ASIC5: variants seen among roughly 807,000 people sequenced by gnomAD.
ASIC5 encodes bile acid-sensitive ion channel.
Under a neutral mutation model 51.2 loss-of-function variants are expected in ASIC5, and 52 were observed. The observed-to-expected ratio is 1.02, with a 90% CI of 0.81 to 1.28. The LOEUF is 1.28. Ranked by LOEUF, ASIC5 falls within the 50% of genes most tolerant of loss-of-function variation. The probability of loss-of-function intolerance (pLI) is 0.00; values close to 1 mark genes in which losing one functional copy is unlikely to be tolerated. For synonymous variants in ASIC5, 231 were observed against 200.7 expected (o/e 1.15, Z -1.28); for missense variants, 635 against 595.0 (o/e 1.07, Z -0.70).
At chr4:155,833,362 T>C (rs1216041950) in intron 8 of ASIC5, among the ~76,000 whole-genome samples, 2 of 152,220 alleles carry the variant, frequency 1.3e-5, no homozygotes, top group African/African-American at 4.8e-5. Flanking sequence ...TGTGGTGATC[T>C]TTAATACACC....
chr4:155,863,861 T>A, intron 1 of ASIC5, 107 bp from the exon 2 acceptor site: 4 of 856,904 alleles, frequency 4.7e-6, no homozygotes, highest in Non-Finnish European at 7.0e-6. Flanking sequence ...GTGACTCTTT[T>A]TACTTGTAAT....
At chr4:155,862,700 T>C (rs1288165553) in intron 2 of ASIC5, among the ~76,000 whole-genome samples, 1 of 152,140 alleles carries the variant, frequency 6.6e-6, no homozygotes, top group African/African-American at 2.4e-5. Context: ...GTAACCCTTT[T>C]CTAAGCTCAG....
At chr4:155,831,641 G>A (rs965425137) in intron 9 of ASIC5, among the ~76,000 whole-genome samples, 183 bp downstream of exon 9, 1 of 152,022 alleles carries the variant, frequency 6.6e-6, no homozygotes. Flanking sequence ...CGTGGTGGCG[G>A]GTGCCTGTAG....
At chr4:155,857,502 ACTCTAATTTAACACAACT>A (rs1484589429) in intron 2 of ASIC5, among the ~76,000 whole-genome samples, 4 of 152,074 alleles carry the variant, frequency 2.6e-5, no homozygotes, top group African/African-American at 9.7e-5. Context: ...AATTTGACTT[ACTCTAATTTAACACAACT>A]GGTAAGAGCC....
rs1478508785 is a variant in ASIC5, at chr4:155,861,879, T to A, written c.347+1569A>T. ...TCATTGGATTTAGGGCTCATCCTAG[T>A]GCAGTATAACCTCAACTTATGTAAT... On this transcript the variant is annotated intron_variant, in intron 2 of 9. Transcript: ENST00000537611. Among the ~76,000 whole-genome samples, 4 of 152,092 alleles carry A rather than the reference T, an allele frequency of 2.6e-5. No individual in the cohort carries two copies. In the East Asian group the frequency reaches 7.7e-4, roughly 29 times the overall value.
intron 2 of ASIC5, among the ~76,000 whole-genome samples, chr4:155,859,536 G>A (rs1450845387): frequency 6.6e-6 from 1 of 151,998 alleles, no homozygotes; most frequent in African/African-American, 2.4e-5. Flanking sequence ...TACTCACAAG[G>A]TGGTTAAACA....
intron 6 of ASIC5, among the ~76,000 whole-genome samples, chr4:155,840,321 A>G (rs941291210): frequency 7.9e-5 from 12 of 151,734 alleles, no homozygotes; most frequent in African/African-American, 2.9e-4. Flanking sequence ...CCAGAGATCA[A>G]TAATCTGGAT....
chr4:155,836,009 C>T (rs994434084), intron 8 of ASIC5, among the ~76,000 whole-genome samples: 3 of 152,080 alleles, frequency 2.0e-5, no homozygotes, highest in African/African-American at 7.2e-5. Context: ...ATGTCCTAGT[C>T]CTAAAAATAC....
chr4:155,847,753 A>C (rs1741288859), intron 4 of ASIC5, among the ~76,000 whole-genome samples: 1 of 151,886 alleles, frequency 6.6e-6, no homozygotes, highest in South Asian at 2.1e-4. Context: ...AATAAAATGC[A>C]TTTTTGAGAT....
chr4:155,830,937 T>C (rs568331604), intron 9 of ASIC5, among the ~76,000 whole-genome samples: 3 of 152,238 alleles, frequency 2.0e-5, no homozygotes, highest in Non-Finnish European at 4.4e-5. Context: ...TCCAAGAGCT[T>C]TGGCAAATTT....
chr4:155,863,827 AC>A, intron 1 of ASIC5, 73 bp from the exon 2 acceptor site: 1 of 1,189,314 alleles, frequency 8.4e-7, no homozygotes, highest in South Asian at 1.5e-5. Flanking sequence ...CCGTAAAAAA[AC>A]ACAACTCACA....
chr4:155,845,574 G>A (rs1741221701), intron 4 of ASIC5, among the ~76,000 whole-genome samples: 1 of 151,904 alleles, frequency 6.6e-6, no homozygotes, highest in South Asian at 2.1e-4. Context: ...GCATCACAGG[G>A]TCTAACCTCA....
chr4:155,854,289 AT>A lies in ASIC5; in HGVS notation c.372del (p.Lys124AsnfsTer99). The A allele has an allele frequency of 2.5e-6, 4 of 1,612,532 alleles. No homozygotes were observed. Among genetic ancestry groups the A allele is most frequent in the Non-Finnish European group, 3.4e-6 (4 of 1,178,964 alleles). On this transcript the variant is annotated frameshift_variant, in exon 3 of 10. Transcript: ENST00000537611. LOFTEE classifies it high-confidence loss of function. ...TGCCATAAGAAAAAAATAACACCAA[AT>A]TTGGCTACAGCATCTGTTTGGAACC... Reference protein sequence around the residue: ...LNRFQTDAVAKFGVIFFLWHI... With the variant: ...LNRFQTDAVAXFGVIFFLWHI...
rs573944352 is a variant in ASIC5, at chr4:155,865,910, C to G, written c.40+277G>C. The stretch of plus-strand genomic sequence containing the variant: ...ATTTAAAAAATAAAACCTGCAGGCC[C>G]AGGATAAATAGAAACCAAAAGAAAT... On this transcript the variant is annotated intron_variant, in intron 1 of 9. Transcript: ENST00000537611. 7.2e-5 allele frequency among the ~76,000 whole-genome samples: 11 copies of G among 152,006 alleles called. No homozygotes were observed. In the East Asian group the frequency reaches 2.1e-3, roughly 29 times the overall value.
intron 6 of ASIC5, among the ~76,000 whole-genome samples, chr4:155,839,845 T>C (rs1741077375): frequency 6.6e-6 from 1 of 151,922 alleles, no homozygotes. Flanking sequence ...AGATGGTAGA[T>C]GGAACACAGA....
intron 5 of ASIC5, among the ~76,000 whole-genome samples, 185 bp downstream of exon 5, chr4:155,843,496 C>T (rs1741167099): frequency 6.6e-6 from 1 of 152,086 alleles, no homozygotes; most frequent in Non-Finnish European, 1.5e-5. Flanking sequence ...CCAGCTTTCA[C>T]TTACATAGTT....
rs569505673 is a variant in ASIC5, at chr4:155,836,579, T to C, written c.1235+110A>G. 1.2e-5 allele frequency: 8 copies of C among 640,124 alleles called. No individual in the cohort carries two copies. The South Asian group carries it at 2.4e-4, about 19-fold the overall frequency. The allele number at this position is 640,124 out of a possible 1,614,324, so 39.7% of individuals were successfully genotyped here. A position where few individuals can be genotyped will look rare whatever the true frequency, so the allele number is the denominator to read the frequency against. ...ATTGTCAGTTCAGTGAAAAAAGCCA[T>C]TGCCTCCCTTGATTGATTAGAATTT... On this transcript the variant is annotated intron_variant, in intron 8 of 9. Coordinates refer to ENST00000537611, the MANE Select transcript of ASIC5 (RefSeq NM_017419.3).
chr4:155,852,010 T>C (rs1384952214), intron 4 of ASIC5, among the ~76,000 whole-genome samples, 181 bp downstream of exon 4: 5 of 151,966 alleles, frequency 3.3e-5, no homozygotes, highest in African/African-American at 4.8e-5. Flanking sequence ...GCCTCAAAAT[T>C]TTGCCTGTTT....
intron 2 of ASIC5, among the ~76,000 whole-genome samples, chr4:155,856,240 T>G (rs1279659445): frequency 2.0e-5 from 3 of 152,108 alleles, no homozygotes; most frequent in Non-Finnish European, 2.9e-5. Context: ...TTTCTTCTAT[T>G]AATAAATCTG....
Sources: allele counts gnomAD v4.1 joint callset (sites outside exome capture counted in the v4.1 genomes callset), GRCh38; gene constraint gnomAD v4.1.1; transcripts MANE v1.5; gene names NCBI Gene and HGNC (gene_info 2026-07-23, HGNC 2026-07-21).